The following FAM193B variants were observed in gnomAD, a reference collection of about 807,000 sequenced individuals.
FAM193B encodes the protein family with sequence similarity 193 member B.
In FAM193B, 27 loss-of-function variants were observed where a neutral mutation model predicts 70.7. That is an observed-to-expected ratio of 0.38 (90% CI 0.28 to 0.53). FAM193B has a LOEUF of 0.53. FAM193B is among the 20% of genes least tolerant of loss of function. FAM193B has a pLI of 0.81. For missense variants in FAM193B, 1,022 were observed against 1,072.5 expected, an observed-to-expected ratio of 0.95 and a Z score of 0.66; for synonymous variants, 448 against 436.0, an observed-to-expected ratio of 1.03 and a Z score of -0.34.
At chr5:177,554,124 A>G (rs1425529062) in intron 1 of FAM193B, 125 bp downstream of exon 1, 1 of 1,407,004 alleles carries the variant, frequency 7.1e-7, no homozygotes, top group African/African-American at 1.5e-5. Context: ...TCGGCGCCGG[A>G]CCCGGGGGAA....
At position 177,543,091 on chromosome 5, in the gene FAM193B, A is replaced by C. The variant is rs563017695; in HGVS notation, c.211-3944T>G. Among the ~76,000 whole-genome samples the C allele has an allele frequency of 2.0e-5, 3 of 152,342 alleles. No individual in the cohort carries two copies. In the South Asian group the frequency reaches 6.2e-4, roughly 32 times the overall value. On this transcript the variant is annotated intron_variant, in intron 1 of 8. Transcript: ENST00000514747. ...AACCGCGTTAAGAGTAAAAGACTGC[A>C]TTCTTTAGGGATTATAATGAGATGC...
At position 177,532,582 on chromosome 5, in the gene FAM193B, T is replaced by C; in HGVS notation, c.1136A>G (p.Gln379Arg). 6.3e-7 allele frequency: 1 copy of C among 1,595,032 alleles called. No homozygotes were observed. The highest frequency in any genetic ancestry group is 1.3e-5 in the African/African-American group (1 of 74,112). The change falls in exon 5 of 9, where the codon CAG becomes CGG. Residue 379 changes from glutamine (Q) to arginine (R), a missense_variant. Transcript: ENST00000514747. The surrounding 1 kb of genome is among the most constrained non-coding windows in gnomAD (Gnocchi z 4.9). ...CAGCCCCTCATCTGCCTCGCAGGGC[T>C]GGGGCAGCTGGCAAGCCAGGCCACT... The part of the protein sequence containing the change: ...AHSGLACQLP[Q>R]PCEADEGLGE...
At chr5:177,539,551 T>C (rs1338886431) in intron 1 of FAM193B, among the ~76,000 whole-genome samples, 1 of 152,222 alleles carries the variant, frequency 6.6e-6, no homozygotes, top group Non-Finnish European at 1.5e-5. Context: ...CAGGGACCAA[T>C]GCCCATCTGG....
At chr5:177,525,286 C>T in intron 5 of FAM193B, 81 bp from the exon 6 acceptor site, 4 of 1,295,482 alleles carry the variant, frequency 3.1e-6, no homozygotes, top group Non-Finnish European at 4.0e-6. Flanking sequence ...AGCCTGGGGC[C>T]CAGCTTTGCC....
Position 177,525,037 on chromosome 5 carries a change from C to A in FAM193B, c.1444G>T (p.Val482Phe). 1 of 1,581,284 alleles carries A rather than the reference C, an allele frequency of 6.3e-7. No homozygotes were observed. ...AAGCTGGCACGGATGGAGTCTTTGACAGTGTTTTTGATCTCCTGCAGACGG... is the reference window on the plus strand; with the variant it reads ...AAGCTGGCACGGATGGAGTCTTTGAAAGTGTTTTTGATCTCCTGCAGACGG... The part of the protein sequence containing the change: ...SSRLQEIKNT[V>F]KDSIRASFSV... Residue 482 changes from valine to phenylalanine, a missense_variant, in exon 6 of 9, where the codon GTC becomes TTC. Val to Phe is a conservative substitution (Grantham distance 50). Transcript: ENST00000514747.
At position 177,532,172 on chromosome 5, in the gene FAM193B, T is replaced by C; in HGVS notation, c.1275+271A>G. On this transcript the variant is annotated intron_variant, in intron 5 of 8. Coordinates refer to ENST00000514747, the MANE Select transcript of FAM193B (RefSeq NM_001190946.3). The surrounding 1 kb of genome is among the most constrained non-coding windows in gnomAD (Gnocchi z 4.9). ...TATACATACTCATCAGAATCATAGC[T>C]TTCTCTCTGCCATTTCCTTTCCTTT... 6.8e-7 allele frequency: 1 copy of C among 1,466,614 alleles called. No homozygotes were observed. The highest frequency in any genetic ancestry group is 9.1e-7 in the Non-Finnish European group (1 of 1,103,346). The allele number at this position is 1,466,614 out of a possible 1,614,324, so 90.9% of individuals were successfully genotyped here. A position where few individuals can be genotyped will look rare whatever the true frequency, so the allele number is the denominator to read the frequency against.
Position 177,531,922 on chromosome 5 carries a change from C to G in FAM193B, c.1275+521G>C. 3 of 1,232,968 alleles carry G rather than the reference C, an allele frequency of 2.4e-6. No individual in the cohort carries two copies. The East Asian group carries it at 1.7e-4, about 70-fold the overall frequency. 76.4% of individuals were successfully genotyped at this position (1,232,968 alleles called of 1,614,324 possible). A position where few individuals can be genotyped will look rare whatever the true frequency, so the allele number is the denominator to read the frequency against. ...TTCATTTCTTCTATCCTCAGCTGCT[C>G]TACCCTAACCAGCGGCCCTCTCCTC... On this transcript the variant is annotated intron_variant, in intron 5 of 8. Transcript: ENST00000514747.
In FAM193B at chr5:177,525,410, C is replaced by T. The variant is rs1024178542; in HGVS notation, c.1276-205G>A. On this transcript the variant is annotated intron_variant, in intron 5 of 8. Coordinates refer to ENST00000514747, the MANE Select transcript of FAM193B (RefSeq NM_001190946.3). ...GTCCTGGGGGCAGGGGTAGTCACAC[C>T]CACAGAGGGTAGGGTTTTTACAGCT... The T allele has an allele frequency of 1.2e-5, 5 of 425,512 alleles. No individual in the cohort carries two copies. The Admixed American group carries it at 1.3e-4, about 11-fold the overall frequency. The allele number at this position is 425,512 out of a possible 1,614,324, so 26.4% of individuals were successfully genotyped here.
At chr5:177,528,384 A>G (rs1762946750) in intron 5 of FAM193B, among the ~76,000 whole-genome samples, 1 of 152,304 alleles carries the variant, frequency 6.6e-6, no homozygotes, top group South Asian at 2.1e-4. Flanking sequence ...ATGAGAGGAA[A>G]GAGGCTGGGG....
chr5:177,524,738 G>A lies in FAM193B; in HGVS notation c.1743C>T (p.Asn581=), dbSNP rs776265035. The change falls in exon 6 of 9, where the codon AAC becomes AAT. Residue 581 remains asparagine, a synonymous_variant. Transcript: ENST00000514747. ...RGPPPGIVPE[N]GLVRRLNTVP... Reference sequence around the variant, plus strand: ...CGGTGTTGAGTCTCCTCACGAGCCCGTTCTCGGGGACGATACCGGGAGGGG... The same window carrying A: ...CGGTGTTGAGTCTCCTCACGAGCCCATTCTCGGGGACGATACCGGGAGGGG... 18 of 1,545,162 alleles carry A rather than the reference G, an allele frequency of 1.2e-5. No homozygotes were observed. Among genetic ancestry groups the A allele is most frequent in the Admixed American group, 2.0e-5 (1 of 49,462 alleles).
Position 177,524,347 on chromosome 5 carries a change from TCTC to T in FAM193B, c.2131_2133del (p.Glu711del), listed in dbSNP as rs771337573. Reference sequence around the variant, plus strand: ...GGCCAGTTTCGCCAGGAGCTGCCCTTCTCCTTCTCAGTTTTGGGACTGCCAGCC... The same window carrying T: ...GGCCAGTTTCGCCAGGAGCTGCCCTTCTTCTCAGTTTTGGGACTGCCAGCC... On this transcript the variant is annotated inframe_deletion, in exon 6 of 9. Transcript: ENST00000514747. The T allele has an allele frequency of 6.3e-6, 10 of 1,577,952 alleles. No individual in the cohort carries two copies. The highest frequency in any genetic ancestry group is 1.8e-5 in the Admixed American group (1 of 54,292).
chr5:177,539,068 G>T lies in FAM193B; in HGVS notation c.290C>A (p.Pro97His), dbSNP rs752373104. 3.1e-6 allele frequency: 5 copies of T among 1,613,622 alleles called. No individual in the cohort carries two copies. The African/African-American group carries it at 6.7e-5, about 22-fold the overall frequency. ...HRERKGWEEG[P>H]SQNGLVLQGE... ...CTGCAACACCAGTCCATTTTGAGAA[G>T]GGCCTTCTTCCCAGCCTTTGCGTTC... Residue 97 changes from proline (P) to histidine (H), a missense_variant, in exon 2 of 9, where the codon CCT becomes CAT. By Grantham distance (77) the Pro-to-His change is moderately conservative. Coordinates refer to ENST00000514747, the MANE Select transcript of FAM193B (RefSeq NM_001190946.3).
intron 4 of FAM193B, among the ~76,000 whole-genome samples, chr5:177,534,466 T>C (rs980084639): frequency 6.6e-6 from 1 of 151,698 alleles, no homozygotes; most frequent in African/African-American, 2.4e-5. Flanking sequence ...CCAGCTAATT[T>C]TTTTTTTTTG....
rs750559904 is a variant in FAM193B at position 177,536,727 on chromosome 5, G to A, written c.707C>T (p.Ser236Leu). The A allele has an allele frequency of 1.9e-5, 29 of 1,558,094 alleles. No individual in the cohort carries two copies. Among genetic ancestry groups the A allele is most frequent in the South Asian group, 5.9e-5 (5 of 84,488 alleles). Residue 236 changes from serine to leucine, a missense_variant, in exon 4 of 9, where the codon TCG (serine) becomes TTG (leucine). Transcript: ENST00000514747. ...PTIPGEAFPVSEHHQHSDLTA... is the reference protein window; with the variant it reads ...PTIPGEAFPVLEHHQHSDLTA... ...GAGGTCTGAGTGCTGGTGGTGCTCCGAGACGGGGAAAGCCTCACCTGTGGG... is the reference window on the plus strand; with the variant it reads ...GAGGTCTGAGTGCTGGTGGTGCTCCAAGACGGGGAAAGCCTCACCTGTGGG...
intron 5 of FAM193B, among the ~76,000 whole-genome samples, chr5:177,529,082 A>G (rs1428186161): frequency 6.6e-6 from 1 of 152,034 alleles, no homozygotes; most frequent in African/African-American, 2.4e-5. Context: ...ACCTGGGAAG[A>G]AGAGAACGGG....
At chr5:177,536,257 CATA>C in intron 4 of FAM193B, 98 bp downstream of exon 4, 1 of 1,243,786 alleles carries the variant, frequency 8.0e-7, no homozygotes, top group Non-Finnish European at 1.1e-6. Flanking sequence ...AAAGGAAAGA[CATA>C]GTCTACTTTT....
In FAM193B at chr5:177,532,206, G is replaced by A; in HGVS notation, c.1275+237C>T. 1.3e-6 allele frequency: 2 copies of A among 1,494,504 alleles called. No homozygotes were observed. The highest frequency in any genetic ancestry group is 2.5e-5 in the South Asian group (2 of 79,614). 92.6% of individuals were successfully genotyped at this position (1,494,504 alleles called of 1,614,324 possible). A position where few individuals can be genotyped will look rare whatever the true frequency, so the allele number is the denominator to read the frequency against. Reference sequence around the variant, plus strand: ...GCCATTTCCTTTCCTTTTGCCTAAGGAAAAAAAGTCAATCTTAAGAGAAAC... The same window carrying A: ...GCCATTTCCTTTCCTTTTGCCTAAGAAAAAAAAGTCAATCTTAAGAGAAAC... On this transcript the variant is annotated intron_variant, in intron 5 of 8. Transcript: ENST00000514747. The surrounding 1 kb of genome is among the most constrained non-coding windows in gnomAD (Gnocchi z 4.9).
intron 1 of FAM193B, among the ~76,000 whole-genome samples, chr5:177,549,182 CTTTTCTT>C (rs1158043851): frequency 3.9e-5 from 5 of 128,674 alleles, no homozygotes; most frequent in South Asian, 5.0e-4. Flanking sequence ...ACTGGATTGT[CTTTTCTT>C]TTTTTTTTTT....
intron 5 of FAM193B, among the ~76,000 whole-genome samples, chr5:177,526,102 T>A (rs1227186994): frequency 6.6e-6 from 1 of 152,132 alleles, no homozygotes; most frequent in Non-Finnish European, 1.5e-5. Flanking sequence ...GGGCAGCTGG[T>A]GAGAGAAACC....
Sources: allele counts gnomAD v4.1 joint callset (sites outside exome capture counted in the v4.1 genomes callset), GRCh38; gene constraint gnomAD v4.1.1; non-coding constraint Gnocchi (gnomAD v3.1); transcripts MANE v1.5; gene names NCBI Gene and HGNC (gene_info 2026-07-23, HGNC 2026-07-21).